SATB2: variants seen among roughly 807,000 people sequenced by gnomAD.
The protein encoded by SATB2 is SATB homeobox 2.
In SATB2, 1 loss-of-function variant was observed where a neutral mutation model predicts 73.4. That is an observed-to-expected ratio of 0.01 (90% CI 0.00 to 0.06). The LOEUF (loss-of-function observed/expected upper bound fraction) is 0.06, where lower values mean the gene tolerates loss of function less well. Ranked by LOEUF, SATB2 falls within the 10% of genes least tolerant of loss-of-function variation. The probability of loss-of-function intolerance (pLI) is 1.00; values close to 1 mark genes in which losing one functional copy is unlikely to be tolerated. For synonymous variants in SATB2, 397 were observed against 367.0 expected, an observed-to-expected ratio of 1.08 and a Z score of -0.93; for missense variants, 459 against 945.8, an observed-to-expected ratio of 0.49 and a Z score of 6.75.
intron 7 of SATB2, among the ~76,000 whole-genome samples, chr2:199,330,608 T>G (rs1334362775): frequency 6.6e-6 from 1 of 152,214 alleles, no homozygotes; most frequent in African/African-American, 2.4e-5. Flanking sequence ...GAGACACTTA[T>G]CTTCCAGAAA....
rs752933405 is a variant in SATB2 at position 199,308,050 on chromosome 2, G to A, written c.1740+710C>T. 3.9e-5 allele frequency among the ~76,000 whole-genome samples: 6 copies of A among 152,138 alleles called. No homozygotes were observed. The highest frequency in any genetic ancestry group is 7.2e-5 in the African/African-American group (3 of 41,428). ...TGGGCCAAACTCTAGGGGGTCTAAC[G>A]TTGGAAACCTCAACTAATATTTCTT... is the stretch of plus-strand genomic sequence containing the variant. On this transcript the variant is annotated intron_variant, in intron 10 of 10. Coordinates refer to ENST00000417098, the MANE Select transcript of SATB2 (RefSeq NM_001172509.2). The surrounding 1 kb of genome is among the most constrained non-coding windows in gnomAD (Gnocchi z 4.6).
chr2:199,401,829 C>T (rs998471698), intron 3 of SATB2, among the ~76,000 whole-genome samples: 11 of 152,078 alleles, frequency 7.2e-5, no homozygotes, highest in Non-Finnish European at 2.9e-5. Flanking sequence ...TTGCAGATCA[C>T]CGCAAGTATT....
intron 3 of SATB2, among the ~76,000 whole-genome samples, chr2:199,392,253 T>C (rs1037424794): frequency 1.3e-5 from 2 of 150,736 alleles, no homozygotes; most frequent in African/African-American, 4.9e-5. Context: ...CCAGATTCCT[T>C]TTTTTTTTCC....
At chr2:199,301,666 G>C (rs539945331) in intron 10 of SATB2, among the ~76,000 whole-genome samples, 1 of 152,252 alleles carries the variant, frequency 6.6e-6, no homozygotes, top group Non-Finnish European at 1.5e-5. Flanking sequence ...GTATGCAAGA[G>C]AAAGTGAGTT....
At chr2:199,379,504 T>A (rs951157766) in intron 5 of SATB2, among the ~76,000 whole-genome samples, 2 of 151,650 alleles carry the variant, frequency 1.3e-5, no homozygotes, top group Non-Finnish European at 2.9e-5. Context: ...AACAGGGGGG[T>A]GGGGAGTAGC....
chr2:199,280,095 C>T (rs147056937), intron 10 of SATB2, among the ~76,000 whole-genome samples: 33 of 152,270 alleles, frequency 2.2e-4, no homozygotes, highest in African/African-American at 6.5e-4. Context: ...GGCAGAAGAA[C>T]GTGGATTGTG....
At chr2:199,417,843 A>T (rs1691039842) in intron 3 of SATB2, among the ~76,000 whole-genome samples, 1 of 152,190 alleles carries the variant, frequency 6.6e-6, no homozygotes, top group Non-Finnish European at 1.5e-5. Context: ...AAAAGAAAAT[A>T]ACATTCTTCT....
chr2:199,270,637 G>A lies in SATB2; in HGVS notation c.*1574C>T, dbSNP rs1299581975. ...CAATTACTGTAAGTAGAAGTGGAAA[G>A]TAATGCTTCTGGTGTTTCTCATAGG... On this transcript the variant is annotated 3_prime_UTR_variant, in exon 11 of 11. Coordinates refer to ENST00000417098, the MANE Select transcript of SATB2 (RefSeq NM_001172509.2). 1 of 152,312 alleles carries A rather than the reference G, an allele frequency of 6.6e-6. No individual in the cohort carries two copies. Among genetic ancestry groups the A allele is most frequent in the Non-Finnish European group, 1.5e-5 (1 of 68,042 alleles). The allele number at this position is 152,312 out of a possible 1,614,324, so 9.4% of individuals were successfully genotyped here.
At chr2:199,437,727 T>C (rs1025756744) in intron 2 of SATB2, among the ~76,000 whole-genome samples, 1 of 152,154 alleles carries the variant, frequency 6.6e-6, no homozygotes, top group Non-Finnish European at 1.5e-5. Context: ...GTCTGACAGA[T>C]AGCTCTCAAA....
chr2:199,327,509 G>T (rs1688063209), intron 8 of SATB2, among the ~76,000 whole-genome samples: 1 of 152,116 alleles, frequency 6.6e-6, no homozygotes, highest in Non-Finnish European at 1.5e-5. Flanking sequence ...GACAGAACCT[G>T]CAACTATCAT....
intron 9 of SATB2, among the ~76,000 whole-genome samples, chr2:199,310,481 A>AT (rs938295795): frequency 1.3e-5 from 2 of 152,018 alleles, no homozygotes; most frequent in South Asian, 2.1e-4. Flanking sequence ...AATGAAGACA[A>AT]TTTTTTTTAT....
At chr2:199,393,760 T>A (rs941141718) in intron 3 of SATB2, among the ~76,000 whole-genome samples, 11 of 152,202 alleles carry the variant, frequency 7.2e-5, no homozygotes, top group Admixed American at 7.2e-4. Flanking sequence ...ATGGCAAGCA[T>A]CCAGCTTTTT....
intron 7 of SATB2, among the ~76,000 whole-genome samples, chr2:199,330,135 A>G (rs1418798596): frequency 6.6e-6 from 1 of 152,190 alleles, no homozygotes; most frequent in Non-Finnish European, 1.5e-5. Context: ...GATTTCTAAT[A>G]TGTGGCTTAA....
At chr2:199,454,054 A>AAG (rs1297327808) in intron 2 of SATB2, among the ~76,000 whole-genome samples, 3 of 152,076 alleles carry the variant, frequency 2.0e-5, no homozygotes, top group African/African-American at 7.2e-5. Context: ...TTAAACACAT[A>AAG]AGGGCTCAAA....
chr2:199,377,417 G>A (rs1054908860), intron 5 of SATB2, among the ~76,000 whole-genome samples: 2 of 151,984 alleles, frequency 1.3e-5, no homozygotes, highest in African/African-American at 4.8e-5. Context: ...AACAAAACAG[G>A]TATATGGACT....
chr2:199,353,826 T>A (rs1233476094), intron 6 of SATB2, among the ~76,000 whole-genome samples: 2 of 152,188 alleles, frequency 1.3e-5, no homozygotes, highest in African/African-American at 4.8e-5. Context: ...TCTTGCTTTT[T>A]TCACTGTGTA....
At chr2:199,386,865 G>A (rs1009608514) in intron 3 of SATB2, among the ~76,000 whole-genome samples, 2 of 151,768 alleles carry the variant, frequency 1.3e-5, no homozygotes, top group Admixed American at 6.6e-5. Flanking sequence ...CTAGAGTACT[G>A]ATCCCCAATA....
At chr2:199,394,036 A>G (rs1690227827) in intron 3 of SATB2, among the ~76,000 whole-genome samples, 1 of 152,174 alleles carries the variant, frequency 6.6e-6, no homozygotes, top group African/African-American at 2.4e-5. Flanking sequence ...TTAGTTCTTT[A>G]TGTTAAAATT....
chr2:199,337,324 T>C (rs965512425), intron 7 of SATB2, among the ~76,000 whole-genome samples: 17 of 152,220 alleles, frequency 1.1e-4, no homozygotes, highest in African/African-American at 4.1e-4. Flanking sequence ...AACAACTTTC[T>C]TTCTCTAAGT....
Sources: allele counts gnomAD v4.1 joint callset (sites outside exome capture counted in the v4.1 genomes callset), GRCh38; gene constraint gnomAD v4.1.1; non-coding constraint Gnocchi (gnomAD v3.1); transcripts MANE v1.5; gene names NCBI Gene and HGNC (gene_info 2026-07-23, HGNC 2026-07-21).